PEX14: variants seen among roughly 807,000 people sequenced by gnomAD.
The protein encoded by PEX14 is peroxisomal biogenesis factor 14.
A neutral mutation model predicts 49.5 loss-of-function variants in PEX14; 15 were observed. The ratio of observed to expected loss-of-function variants is 0.30; its 90% CI spans 0.20 to 0.47. The LOEUF is 0.47. Among genes scored for constraint, PEX14 ranks in the 20% least tolerant of loss-of-function variants. PEX14 has a pLI of 1.00. For missense variants in PEX14, 398 were observed against 494.8 expected, an observed-to-expected ratio of 0.80 and a Z score of 1.86; for synonymous variants, 210 against 212.7, an observed-to-expected ratio of 0.99 and a Z score of 0.11.
chr1:10,485,026 CA>C (rs1378147971), intron 1 of PEX14, among the ~76,000 whole-genome samples: 1 of 151,746 alleles, frequency 6.6e-6, no homozygotes, highest in Non-Finnish European at 1.5e-5. Context: ...GTAGAAGGAA[CA>C]GCACAGGGGC....
chr1:10,525,866 C>T (rs961794446), intron 2 of PEX14, among the ~76,000 whole-genome samples: 8 of 151,822 alleles, frequency 5.3e-5, no homozygotes, highest in East Asian at 3.9e-4. Context: ...CCTTGTGATC[C>T]GCCCGCCTTG....
chr1:10,624,500 T>C (rs569277622), intron 7 of PEX14, 63 bp downstream of exon 7: 174 of 1,148,538 alleles, frequency 1.5e-4, no homozygotes, highest in Non-Finnish European at 2.1e-4. Context: ...CCTTCACTCT[T>C]GTCCCTTGGG....
intron 3 of PEX14, among the ~76,000 whole-genome samples, chr1:10,572,719 G>A (rs562106603): frequency 6.6e-6 from 1 of 151,926 alleles, no homozygotes; most frequent in South Asian, 2.1e-4. Context: ...TGTATTTTTA[G>A]TACAGATGGG....
chr1:10,607,478 G>T (rs1641160079), intron 4 of PEX14, among the ~76,000 whole-genome samples: 1 of 152,202 alleles, frequency 6.6e-6, no homozygotes, highest in Non-Finnish European at 1.5e-5. Flanking sequence ...GTTTTCTGGA[G>T]TGGTTGCATC....
intron 3 of PEX14, among the ~76,000 whole-genome samples, chr1:10,591,968 G>A (rs1400695319): frequency 4.6e-5 from 7 of 152,110 alleles, no homozygotes; most frequent in Non-Finnish European, 1.5e-5. Flanking sequence ...AAGGAAAAAA[G>A]AAAAAGAACA....
Position 10,547,405 on chromosome 1 carries a change from A to G in PEX14, c.169+11108A>G, listed in dbSNP as rs150545206. On this transcript the variant is annotated intron_variant, in intron 3 of 8. Transcript: ENST00000356607. ...GTACCTAATTCCCATCCAGAACTCT[A>G]GCTGCCATGGAGGGAAGCATTTTGT... Among the ~76,000 whole-genome samples, 745 of 152,256 alleles carry G rather than the reference A, an allele frequency of 4.9e-3. 8 individuals carry two copies. Among genetic ancestry groups the G allele is most frequent in the African/African-American group, 0.017 (708 of 41,546 alleles).
chr1:10,523,565 A>G (rs1638368068), intron 2 of PEX14, among the ~76,000 whole-genome samples: 2 of 151,950 alleles, frequency 1.3e-5, no homozygotes, highest in Non-Finnish European at 1.5e-5. Flanking sequence ...TATAGCAGTG[A>G]AGGAATCTGA....
intron 3 of PEX14, among the ~76,000 whole-genome samples, chr1:10,555,669 A>G (rs866265535): frequency 2.6e-5 from 2 of 77,284 alleles, no homozygotes; most frequent in Admixed American, 1.3e-4. Context: ...GTGTGTGTGC[A>G]TGCACCCGTG....
In PEX14 at chr1:10,550,120, A is replaced by G. The variant is rs377196698; in HGVS notation, c.169+13823A>G. ...ATATGAACAAACAAGCAAAATACAG[A>G]TAAGCAAGGTGCTGTGAGAGAGAAT... On this transcript the variant is annotated intron_variant, in intron 3 of 8. Coordinates refer to ENST00000356607, the MANE Select transcript of PEX14 (RefSeq NM_004565.3). Among the ~76,000 whole-genome samples the G allele has an allele frequency of 3.3e-5, 5 of 152,210 alleles. No individual in the cohort carries two copies. The East Asian group carries it at 7.7e-4, about 23-fold the overall frequency.
chr1:10,507,023 A>T (rs1403296771), intron 2 of PEX14, among the ~76,000 whole-genome samples: 1 of 152,244 alleles, frequency 6.6e-6, no homozygotes, highest in Non-Finnish European at 1.5e-5. Flanking sequence ...AGCTCCGATC[A>T]CATAGGCCAG....
chr1:10,619,637 C>A (rs941873583), intron 5 of PEX14, among the ~76,000 whole-genome samples: 6 of 151,816 alleles, frequency 4.0e-5, no homozygotes, highest in South Asian at 4.2e-4. Flanking sequence ...TTTTAAACAA[C>A]CTGAATGAGC....
intron 3 of PEX14, among the ~76,000 whole-genome samples, chr1:10,563,380 A>C (rs1639709182): frequency 6.6e-6 from 1 of 150,514 alleles, no homozygotes; most frequent in African/African-American, 2.4e-5. Flanking sequence ...CAGGCGGATC[A>C]TCTGAAGATG....
At chr1:10,604,853 G>T (rs1022164666) in intron 4 of PEX14, among the ~76,000 whole-genome samples, 1 of 152,194 alleles carries the variant, frequency 6.6e-6, no homozygotes, top group Non-Finnish European at 1.5e-5. Context: ...GGTGCCATGA[G>T]GTTAGTTAGG....
intron 2 of PEX14, among the ~76,000 whole-genome samples, chr1:10,504,594 C>G (rs572506107): frequency 6.6e-6 from 1 of 152,202 alleles, no homozygotes; most frequent in Non-Finnish European, 1.5e-5. Context: ...AGGCCTTTCT[C>G]TCTGTGTTGG....
Position 10,610,050 on chromosome 1 carries a change from A to G in PEX14, c.299-8282A>G, listed in dbSNP as rs144702538. 2.9e-3 allele frequency among the ~76,000 whole-genome samples: 429 copies of G among 148,362 alleles called. 1 individual carries two copies. The highest frequency in any genetic ancestry group is 2.6e-3 in the Non-Finnish European group (177 of 67,266). On this transcript the variant is annotated intron_variant, in intron 4 of 8. Transcript: ENST00000356607. ...GATATATAAATACATATTTATATAA[A>G]TACATATAATTTTATTCATATATAA...
chr1:10,600,775 C>T (rs1368161905), intron 4 of PEX14, among the ~76,000 whole-genome samples: 1 of 152,010 alleles, frequency 6.6e-6, no homozygotes, highest in Non-Finnish European at 1.5e-5. Context: ...TCTCAAAATG[C>T]CTTTTCTATA....
intron 1 of PEX14, among the ~76,000 whole-genome samples, chr1:10,483,743 C>T (rs949125514): frequency 2.4e-5 from 3 of 126,426 alleles, no homozygotes; most frequent in East Asian, 2.7e-4. Flanking sequence ...ATTGTATATA[C>T]GTGTGTAACC....
chr1:10,509,399 C>T (rs1004091157), intron 2 of PEX14, among the ~76,000 whole-genome samples: 5 of 152,192 alleles, frequency 3.3e-5, no homozygotes, highest in Admixed American at 6.5e-5. Flanking sequence ...TCAAATGATT[C>T]TCATTATTAT....
At chr1:10,572,174 A>G (rs1302057077) in intron 3 of PEX14, among the ~76,000 whole-genome samples, 2 of 152,130 alleles carry the variant, frequency 1.3e-5, no homozygotes, top group Non-Finnish European at 2.9e-5. Flanking sequence ...TTACTGACCT[A>G]TCTCCCTGAC....
Sources: allele counts gnomAD v4.1 joint callset (sites outside exome capture counted in the v4.1 genomes callset), GRCh38; gene constraint gnomAD v4.1.1; transcripts MANE v1.5; gene names NCBI Gene and HGNC (gene_info 2026-07-23, HGNC 2026-07-21).